LRRC31: variants seen among roughly 807,000 people sequenced by gnomAD.
LRRC31 encodes leucine rich repeat containing 31, also known as leucine-rich repeat-containing protein 31.
A neutral mutation model predicts 46.7 loss-of-function variants in LRRC31; 35 were observed. The observed-to-expected ratio is 0.75, with a 90% CI of 0.57 to 0.99. The LOEUF is 0.99. Among genes scored for constraint, LRRC31 ranks in the 50% least tolerant of loss-of-function variants. LRRC31 has a pLI of 0.00. For synonymous variants in LRRC31, 236 were observed against 235.1 expected, an observed-to-expected ratio of 1.00 and a Z score of -0.03; for missense variants, 613 against 626.1, an observed-to-expected ratio of 0.98 and a Z score of 0.22.
At chr3:169,856,285 T>TA in intron 5 of LRRC31, 51 bp downstream of exon 5, 1 of 1,092,424 alleles carries the variant, frequency 9.2e-7, no homozygotes, top group Non-Finnish European at 1.2e-6. Context: ...TTTATATGTA[T>TA]ATCATATATA....
chr3:169,863,561 C>T (rs560547840), intron 1 of LRRC31, among the ~76,000 whole-genome samples: 1 of 152,174 alleles, frequency 6.6e-6, no homozygotes, highest in African/African-American at 2.4e-5. Flanking sequence ...ACGTAGGATA[C>T]GCGTCCTTGT....
At chr3:169,846,647 A>G (rs942779402) in intron 8 of LRRC31, among the ~76,000 whole-genome samples, 1 of 133,160 alleles carries the variant, frequency 7.5e-6, no homozygotes, top group South Asian at 2.4e-4. Context: ...AACTCTGTCT[A>G]AAAAAAAAAA....
chr3:169,856,393 G>C lies in LRRC31; in HGVS notation c.766C>G (p.Leu256Val). The C allele has an allele frequency of 1.2e-6, 2 of 1,605,854 alleles. No individual in the cohort carries two copies. Among genetic ancestry groups the C allele is most frequent in the Admixed American group, 1.7e-5 (1 of 59,004 alleles). Reference protein sequence around the residue: ...IAQGLKSTSNLKVLKLHSCGL... With the variant: ...IAQGLKSTSNVKVLKLHSCGL... ...CATGAATGTAACTTCAGTACTTTCA[G>C]ATTTGAGGTGCTTTTTAATCCCTGA... Residue 256 changes from leucine (L) to valine (V), a missense_variant, in exon 5 of 9, where the codon CTG (leucine) becomes GTG (valine). By Grantham distance (32) the Leu-to-Val change is conservative. Coordinates refer to ENST00000316428, the MANE Select transcript of LRRC31 (RefSeq NM_024727.4).
chr3:169,844,160 C>T (rs1780531380), intron 8 of LRRC31, among the ~76,000 whole-genome samples: 1 of 152,102 alleles, frequency 6.6e-6, no homozygotes, highest in Non-Finnish European at 1.5e-5. Flanking sequence ...TATAAGAAAA[C>T]CAGTAGACTA....
intron 8 of LRRC31, among the ~76,000 whole-genome samples, chr3:169,842,997 A>T (rs780427136): frequency 2.0e-5 from 3 of 152,068 alleles, no homozygotes; most frequent in African/African-American, 4.8e-5. Context: ...TAAGATTTCC[A>T]TTGTATCCCC....
chr3:169,845,089 A>G (rs577700822), intron 8 of LRRC31, among the ~76,000 whole-genome samples: 1 of 152,334 alleles, frequency 6.6e-6, no homozygotes, highest in South Asian at 2.1e-4. Flanking sequence ...AATCAATTAT[A>G]TATCCACGTA....
chr3:169,855,050 G>A, intron 5 of LRRC31, 70 bp from the exon 6 acceptor site: 4 of 1,338,782 alleles, frequency 3.0e-6, no homozygotes, highest in Non-Finnish European at 4.2e-6. Context: ...CAGCTGCTAG[G>A]GAGACCAAGG....
chr3:169,869,627 G>A lies in LRRC31; in HGVS notation c.175+6C>T, dbSNP rs1781428636. On this transcript the variant is annotated splice_donor_region_variant and intron_variant, in intron 1 of 8. Coordinates refer to ENST00000316428, the MANE Select transcript of LRRC31 (RefSeq NM_024727.4). ...ACAGCAAAAACACCAGCAGCCAGCA[G>A]CTTACCAGTCTCTGAGGTGGCTGTC... 6.3e-7 allele frequency: 1 copy of A among 1,581,796 alleles called. No individual in the cohort carries two copies.
At chr3:169,851,121 C>T (rs988146864) in intron 7 of LRRC31, among the ~76,000 whole-genome samples, 7 of 152,106 alleles carry the variant, frequency 4.6e-5, no homozygotes, top group Non-Finnish European at 7.3e-5. Flanking sequence ...TAGTAAATGG[C>T]TCACTTTCCC....
Position 169,847,428 on chromosome 3 carries a change from G to A in LRRC31, c.1327+692C>T, listed in dbSNP as rs192419564. On this transcript the variant is annotated intron_variant, in intron 8 of 8. Transcript: ENST00000316428. Reference sequence around the variant, plus strand: ...TTGAACTCCTGACCTCAAGTGATCCGCCAGCCTCGGCCTCCCAAAGCGTTG... The same window carrying A: ...TTGAACTCCTGACCTCAAGTGATCCACCAGCCTCGGCCTCCCAAAGCGTTG... 1.6e-3 allele frequency among the ~76,000 whole-genome samples: 249 copies of A among 152,210 alleles called. 1 individual carries two copies. The highest frequency in any genetic ancestry group is 5.7e-3 in the African/African-American group (236 of 41,530).
At chr3:169,848,439 C>A in intron 7 of LRRC31, 152 bp from the exon 8 acceptor site, 1 of 651,774 alleles carries the variant, frequency 1.5e-6, no homozygotes, top group Non-Finnish European at 2.5e-6. Context: ...AAATTTATGG[C>A]CTCAATTTAT....
chr3:169,858,543 T>C (rs897402901), intron 3 of LRRC31, among the ~76,000 whole-genome samples: 3 of 152,216 alleles, frequency 2.0e-5, no homozygotes, highest in Non-Finnish European at 4.4e-5. Context: ...AGAAGGACTA[T>C]CAGTTATTGA....
intron 1 of LRRC31, among the ~76,000 whole-genome samples, chr3:169,862,834 G>A (rs1781211697): frequency 6.6e-6 from 1 of 151,862 alleles, no homozygotes; most frequent in Non-Finnish European, 1.5e-5. Context: ...CACCTGTTAT[G>A]TACTCGTTCT....
chr3:169,844,676 G>A, intron 8 of LRRC31, among the ~76,000 whole-genome samples: 1 of 152,176 alleles, frequency 6.6e-6, no homozygotes, highest in East Asian at 1.9e-4. Flanking sequence ...GCTCACGCCT[G>A]TAATCCCAGC....
At chr3:169,853,277 TA>T (rs1442120643) in intron 6 of LRRC31, 1 of 985,166 alleles carries the variant, frequency 1.0e-6, no homozygotes, top group Non-Finnish European at 1.2e-6. Flanking sequence ...AATGATCGGA[TA>T]AAAGAATGTT....
chr3:169,852,712 C>T (rs1780825418), intron 6 of LRRC31, among the ~76,000 whole-genome samples: 1 of 152,192 alleles, frequency 6.6e-6, no homozygotes, highest in Admixed American at 6.5e-5. Context: ...ATTACCAAGG[C>T]AGAAAATGCA....
At chr3:169,858,254 G>A (rs1781032406) in intron 3 of LRRC31, among the ~76,000 whole-genome samples, 1 of 152,170 alleles carries the variant, frequency 6.6e-6, no homozygotes, top group African/African-American at 2.4e-5. Flanking sequence ...AGAGGGAAAA[G>A]GGCGCAAACA....
chr3:169,840,453 T>C, intron 8 of LRRC31, 140 bp from the exon 9 acceptor site: 1 of 881,014 alleles, frequency 1.1e-6, no homozygotes, highest in East Asian at 2.6e-5. Flanking sequence ...GCAGCTTTAT[T>C]CAGGACATCT....
chr3:169,841,937 CGGGAGGCTGAGG>C (rs753234059), intron 8 of LRRC31, among the ~76,000 whole-genome samples: 1 of 151,868 alleles, frequency 6.6e-6, no homozygotes, highest in East Asian at 1.9e-4. Context: ...CCCAGCTACT[CGGGAGGCTGAGG>C]TAGGAGAATT....
Sources: allele counts gnomAD v4.1 joint callset (sites outside exome capture counted in the v4.1 genomes callset), GRCh38; gene constraint gnomAD v4.1.1; transcripts MANE v1.5; gene names NCBI Gene and HGNC (gene_info 2026-07-23, HGNC 2026-07-21).